The following YAE1 variants were observed in gnomAD, a reference collection of about 807,000 sequenced individuals.
The protein encoded by YAE1 is protein YAE1 homolog.
A neutral mutation model predicts 23.0 loss-of-function variants in YAE1; 22 were observed. That is an observed-to-expected ratio of 0.96 (90% CI 0.68 to 1.37). YAE1 has a LOEUF of 1.37. Ranked by LOEUF, YAE1 falls within the 40% of genes most tolerant of loss-of-function variation. The pLI is 0.00. For missense variants in YAE1, 260 were observed against 262.1 expected, an observed-to-expected ratio of 0.99 and a Z score of 0.06; for synonymous variants, 101 against 97.0, an observed-to-expected ratio of 1.04 and a Z score of -0.24.
chr7:39,580,598 G>A (rs1790727173), intron 2 of YAE1, among the ~76,000 whole-genome samples: 1 of 152,160 alleles, frequency 6.6e-6, no homozygotes, highest in Non-Finnish European at 1.5e-5. Context: ...AAGGCCACTA[G>A]GTGGTGCTCG....
At chr7:39,598,985 A>C (rs1468613938) in intron 2 of YAE1, among the ~76,000 whole-genome samples, 1 of 151,996 alleles carries the variant, frequency 6.6e-6, no homozygotes, top group Non-Finnish European at 1.5e-5. Flanking sequence ...TCTTAGGTTT[A>C]AATTCTCACT....
intron 2 of YAE1, among the ~76,000 whole-genome samples, chr7:39,606,728 A>G (rs960656220): frequency 2.0e-5 from 3 of 152,242 alleles, no homozygotes; most frequent in African/African-American, 7.2e-5. Context: ...ATCAAAATCC[A>G]AGATAGCATT....
chr7:39,575,920 C>A (rs1790652003), downstream of YAE1, among the ~76,000 whole-genome samples: 1 of 152,188 alleles, frequency 6.6e-6, no homozygotes, highest in African/African-American at 2.4e-5. Flanking sequence ...ATCCCTTCTC[C>A]TTGCCTTCTC....
chr7:39,569,716 T>G (rs1407963681), intron 1 of YAE1: 8 of 724,492 alleles, frequency 1.1e-5, no homozygotes, highest in Middle Eastern at 2.6e-4. Context: ...CAAGTCCTGA[T>G]CCACGTAGAT....
chr7:39,574,003 T>C (rs964123007), downstream of YAE1, among the ~76,000 whole-genome samples: 1 of 152,222 alleles, frequency 6.6e-6, no homozygotes, highest in Non-Finnish European at 1.5e-5. Context: ...CCACATGGAA[T>C]ATGGGTATTA....
At chr7:39,600,776 G>T (rs1189090851) in intron 2 of YAE1, among the ~76,000 whole-genome samples, 4 of 152,154 alleles carry the variant, frequency 2.6e-5, no homozygotes, top group African/African-American at 9.7e-5. Flanking sequence ...GAGGCAGAAG[G>T]TAATGCATTT....
intron 2 of YAE1, among the ~76,000 whole-genome samples, chr7:39,589,695 A>G (rs1376389071): frequency 6.6e-6 from 1 of 152,204 alleles, no homozygotes; most frequent in Non-Finnish European, 1.5e-5. Context: ...GCTTTCCGTA[A>G]TTAAAGGTAA....
At chr7:39,610,423 G>T (rs958369526), downstream of YAE1, 1 of 450,164 alleles carries the variant, frequency 2.2e-6, no homozygotes, top group Non-Finnish European at 4.4e-6. Context: ...CATTTTATAC[G>T]ACTTGAAAGA....
At chr7:39,603,783 G>T (rs561816656) in intron 2 of YAE1, among the ~76,000 whole-genome samples, 1 of 152,140 alleles carries the variant, frequency 6.6e-6, no homozygotes, top group South Asian at 2.1e-4. Context: ...TAAATAAATT[G>T]AGATAAAGAA....
At chr7:39,609,974 T>A (rs970433275) in exon 3 of YAE1, 28 of 1,518,586 alleles carry the variant, frequency 1.8e-5, no homozygotes, top group African/African-American at 4.1e-5. Context: ...TTATCAGAGG[T>A]GGACACATTT....
intron 2 of YAE1, among the ~76,000 whole-genome samples, chr7:39,581,006 C>T (rs1359598433): frequency 6.6e-6 from 1 of 152,216 alleles, no homozygotes; most frequent in Non-Finnish European, 1.5e-5. Context: ...CCAAGCAGGA[C>T]TGCACCTAAA....
At chr7:39,611,151 G>GA (rs367630257), downstream of YAE1, among the ~76,000 whole-genome samples, 311 of 133,526 alleles carry the variant, frequency 2.3e-3, no homozygotes, top group Middle Eastern at 7.7e-3. Context: ...CCATCTCAAA[G>GA]AAAAAAAAAA....
chr7:39,566,442 C>A lies in YAE1; in HGVS notation c.24C>A (p.Ser8=). 6.2e-7 allele frequency: 1 copy of A among 1,614,186 alleles called. No homozygotes were observed. The highest frequency in any genetic ancestry group is 8.5e-7 in the Non-Finnish European group (1 of 1,180,014). The change falls in exon 1 of 3, where the codon TCC becomes TCA. Residue 8 remains serine, a synonymous_variant. Transcript: ENST00000223273. The stretch of plus-strand genomic sequence containing the variant: ...TGATGTCGTGGGTTCAAGCAGCCTC[C>A]TTGATCCAGGGCCCTGGAGACAAAG... MSWVQAA[S]LIQGPGDKGD... is the part of the protein sequence containing the mutation.
chr7:39,585,666 C>T (rs910317683), intron 2 of YAE1, among the ~76,000 whole-genome samples: 2 of 152,238 alleles, frequency 1.3e-5, no homozygotes, highest in African/African-American at 4.8e-5. Flanking sequence ...AATGGCACAA[C>T]TTCCTTTTAT....
chr7:39,569,463 T>C, intron 1 of YAE1: 1 of 495,370 alleles, frequency 2.0e-6, no homozygotes, highest in Non-Finnish European at 4.0e-6. Flanking sequence ...TTTGGCTTCT[T>C]CTTCTGAAAC....
chr7:39,582,346 G>A (rs925841958), intron 2 of YAE1, among the ~76,000 whole-genome samples: 1 of 151,980 alleles, frequency 6.6e-6, no homozygotes, highest in African/African-American at 2.4e-5. Flanking sequence ...AAAAAAATTA[G>A]TTAAAAATAG....
chr7:39,572,799 A>G lies in YAE1; in HGVS notation c.*93A>G. On this transcript the variant is annotated 3_prime_UTR_variant, in exon 3 of 3. Coordinates refer to ENST00000223273, the MANE Select transcript of YAE1 (RefSeq NM_020192.5). Reference sequence around the variant, plus strand: ...ACTGGTTTCTGCATCAAACACCTCAACTGTAGGGTTACCCTTTATGGAAGT... The same window carrying G: ...ACTGGTTTCTGCATCAAACACCTCAGCTGTAGGGTTACCCTTTATGGAAGT... 1 of 1,473,240 alleles carries G rather than the reference A, an allele frequency of 6.8e-7. No individual in the cohort carries two copies. Among genetic ancestry groups the G allele is most frequent in the Non-Finnish European group, 8.9e-7 (1 of 1,117,650 alleles). The allele number at this position is 1,473,240 out of a possible 1,614,324, so 91.3% of individuals were successfully genotyped here. A position where few individuals can be genotyped will look rare whatever the true frequency, so the allele number is the denominator to read the frequency against.
chr7:39,602,019 G>A (rs1188432246), intron 2 of YAE1, among the ~76,000 whole-genome samples: 1 of 152,130 alleles, frequency 6.6e-6, no homozygotes, highest in South Asian at 2.1e-4. Context: ...AAAATGAATG[G>A]ATTAAGAGAG....
chr7:39,585,661 C>T (rs1240291186), intron 2 of YAE1, among the ~76,000 whole-genome samples: 1 of 152,194 alleles, frequency 6.6e-6, no homozygotes, highest in African/African-American at 2.4e-5. Flanking sequence ...TAGCAAATGG[C>T]ACAACTTCCT....
Sources: allele counts gnomAD v4.1 joint callset (sites outside exome capture counted in the v4.1 genomes callset), GRCh38; gene constraint gnomAD v4.1.1; transcripts MANE v1.5; gene names NCBI Gene and HGNC (gene_info 2026-07-23, HGNC 2026-07-21).